The following PODN variants were observed in gnomAD, a reference collection of about 807,000 sequenced individuals.
PODN encodes podocan proteoglycan.
Under a neutral mutation model 52.7 loss-of-function variants are expected in PODN, and 40 were observed. That is an observed-to-expected ratio of 0.76 (90% confidence interval 0.59 to 0.99). PODN has a LOEUF of 0.99. Ranked by LOEUF, PODN falls within the 50% of genes least tolerant of loss-of-function variation. The probability of loss-of-function intolerance (pLI) is 0.00; values close to 1 mark genes in which losing one functional copy is unlikely to be tolerated. For missense variants in PODN, 720 were observed against 815.1 expected (o/e 0.88, Z 1.42); for synonymous variants, 396 against 377.9 (o/e 1.05, Z -0.56).
In PODN at chr1:53,079,052, C is replaced by T. The variant is rs781434014; in HGVS notation, c.1512+30C>T. On this transcript the variant is annotated intron_variant, in intron 8 of 10. Coordinates refer to ENST00000312553, the MANE Select transcript of PODN (RefSeq NM_153703.5). ...GCGGAAGGGAGGGGGCTGAGCCATG[C>T]CCATGGAGGGGGGTACTGGCATGGC... 2.0e-6 allele frequency: 3 copies of T among 1,486,332 alleles called. No individual in the cohort carries two copies. In the African/African-American group the frequency reaches 4.2e-5, roughly 21 times the overall value. The allele number at this position is 1,486,332 out of a possible 1,614,324, so 92.1% of individuals were successfully genotyped here.
chr1:53,062,596 G>C (rs1179950733), intron 1 of PODN, among the ~76,000 whole-genome samples: 1 of 152,216 alleles, frequency 6.6e-6, no homozygotes, highest in African/African-American at 2.4e-5. Context: ...AAGAATCTGA[G>C]GGCGGTTGGG....
Position 53,070,089 on chromosome 1 carries a change from C to T in PODN, c.234C>T (p.Gly78=), listed in dbSNP as rs369511513. Reference sequence around the variant, plus strand: ...GAGACTGTGCCTGTTCCCAGGAGGGCGTCGTGGACTGTGGCGGTATTGACC... The same window carrying T: ...GAGACTGTGCCTGTTCCCAGGAGGGTGTCGTGGACTGTGGCGGTATTGACC... ...CPRDCACSQE[G]VVDCGGIDLR... The change falls in exon 2 of 11, where the codon GGC becomes GGT. Residue 78 remains glycine, a synonymous_variant. Coordinates refer to ENST00000312553, the MANE Select transcript of PODN (RefSeq NM_153703.5). 37 of 1,612,902 alleles carry T rather than the reference C, an allele frequency of 2.3e-5. No individual in the cohort carries two copies. The highest frequency in any genetic ancestry group is 2.7e-5 in the Non-Finnish European group (32 of 1,180,002).
intron 1 of PODN, among the ~76,000 whole-genome samples, chr1:53,065,864 G>A (rs1644024821): frequency 6.6e-6 from 1 of 152,090 alleles, no homozygotes; most frequent in Admixed American, 6.6e-5. Flanking sequence ...CCTTTTGCCT[G>A]GTAGTCATCC....
At chr1:53,073,800 T>C (rs1380708239) in intron 3 of PODN, 1 of 152,214 alleles carries the variant, frequency 6.6e-6, no homozygotes, top group Non-Finnish European at 1.5e-5. Flanking sequence ...ATTTACCCAA[T>C]TTGAAGGTAT....
Position 53,078,507 on chromosome 1 carries a change from C to A in PODN, c.997C>A (p.Arg333Ser). 1 of 1,613,312 alleles carries A rather than the reference C, an allele frequency of 6.2e-7. No homozygotes were observed. The highest frequency in any genetic ancestry group is 8.5e-7 in the Non-Finnish European group (1 of 1,180,048). The change falls in exon 8 of 11, where the codon CGC becomes AGC. Residue 333 changes from arginine (R) to serine (S), a missense_variant. By Grantham distance (110) the Arg-to-Ser change is moderately radical. Coordinates refer to ENST00000312553, the MANE Select transcript of PODN (RefSeq NM_153703.5). ...GGACGCGAATGTGCTGACCCCCATC[C>A]GCAGCCTGGAGTACCTGCTGCTGCA... ...SVDANVLTPI[R>S]SLEYLLLHSN...
At chr1:53,074,166 G>A (rs552885213) in intron 3 of PODN, among the ~76,000 whole-genome samples, 1 of 152,364 alleles carries the variant, frequency 6.6e-6, no homozygotes, top group South Asian at 2.1e-4. Context: ...TCTGCCAGAT[G>A]GAGCAGGGGT....
chr1:53,074,802 C>G, intron 4 of PODN, 132 bp downstream of exon 4: 31 of 523,876 alleles, frequency 5.9e-5, no homozygotes, highest in South Asian at 3.0e-4. Flanking sequence ...AGACATGGCC[C>G]TGGGTCGGGG....
At chr1:53,075,179 C>T (rs1208194787) in intron 4 of PODN, among the ~76,000 whole-genome samples, 3 of 152,250 alleles carry the variant, frequency 2.0e-5, no homozygotes, top group African/African-American at 2.4e-5. Flanking sequence ...TGCATCATGG[C>T]CATGTCCAGT....
At chr1:53,076,911 G>A (rs1480910975) in intron 5 of PODN, among the ~76,000 whole-genome samples, 1 of 152,138 alleles carries the variant, frequency 6.6e-6, no homozygotes, top group Admixed American at 6.5e-5. Context: ...AAGGGTCAGG[G>A]GTCAACTGAG....
At chr1:53,084,224 AG>A (rs1275630742) in intron 10 of PODN, among the ~76,000 whole-genome samples, 2 of 151,844 alleles carry the variant, frequency 1.3e-5, no homozygotes, top group African/African-American at 4.8e-5. Flanking sequence ...GGGACACCAC[AG>A]CCCTCATGAG....
intron 10 of PODN, 136 bp downstream of exon 10, chr1:53,082,324 G>A: frequency 8.0e-7 from 1 of 1,255,290 alleles, no homozygotes; most frequent in East Asian, 2.9e-5. Flanking sequence ...ATTTATAAGA[G>A]CACTTGGGAT....
At chr1:53,068,798 C>T (rs930218309) in intron 1 of PODN, among the ~76,000 whole-genome samples, 33 of 152,086 alleles carry the variant, frequency 2.2e-4, no homozygotes, top group South Asian at 8.3e-4. Flanking sequence ...GCCTACGCCA[C>T]GGGACTGCTG....
intron 4 of PODN, among the ~76,000 whole-genome samples, chr1:53,075,141 T>C (rs896407043): frequency 1.3e-5 from 2 of 152,220 alleles, no homozygotes; most frequent in African/African-American, 4.8e-5. Flanking sequence ...GGAGGTGACC[T>C]GTGCCCTCCC....
chr1:53,079,389 G>C (rs1359129052), intron 8 of PODN, among the ~76,000 whole-genome samples: 1 of 152,198 alleles, frequency 6.6e-6, no homozygotes, highest in Non-Finnish European at 1.5e-5. Context: ...ATGGCTGCAG[G>C]TAGGGGCCCT....
intron 8 of PODN, among the ~76,000 whole-genome samples, chr1:53,080,497 A>G (rs539843776): frequency 6.6e-6 from 1 of 152,308 alleles, no homozygotes; most frequent in South Asian, 2.1e-4. Context: ...GTTTGGAGTC[A>G]GGCACACCCG....
chr1:53,078,261 G>T, intron 7 of PODN, 104 bp from the exon 8 acceptor site: 1 of 1,188,178 alleles, frequency 8.4e-7, no homozygotes, highest in Non-Finnish European at 1.2e-6. Context: ...AGCAGAGCTG[G>T]GAGGAGCTAG....
At chr1:53,077,052 C>A in intron 5 of PODN, 138 bp from the exon 6 acceptor site, 1 of 1,077,602 alleles carries the variant, frequency 9.3e-7, no homozygotes, top group Non-Finnish European at 1.4e-6. Context: ...TAGGCAACAT[C>A]TGAGGTGCTT....
At chr1:53,064,047 C>T (rs961080696) in intron 1 of PODN, among the ~76,000 whole-genome samples, 2 of 152,230 alleles carry the variant, frequency 1.3e-5, no homozygotes, top group African/African-American at 2.4e-5. Flanking sequence ...TCAAGGCCAA[C>T]TCAAGGCTCT....
At chr1:53,074,486 C>T (rs1406704268) in intron 3 of PODN, 120 bp from the exon 4 acceptor site, 2 of 1,121,316 alleles carry the variant, frequency 1.8e-6, no homozygotes, top group African/African-American at 1.6e-5. Context: ...GGGAGGGGAT[C>T]TGAGCTGCCT....
Sources: gnomAD v4.1 joint callset for allele counts (sites outside exome capture counted in the v4.1 genomes callset) on GRCh38, gnomAD v4.1.1 for gene constraint, MANE v1.5 for transcripts, NCBI Gene and HGNC (gene_info 2026-07-23, HGNC 2026-07-21) for gene names.